The following CDKAL1 variants were observed in gnomAD, a reference collection of about 807,000 sequenced individuals.
CDKAL1 encodes threonylcarbamoyladenosine tRNA methylthiotransferase.
A neutral mutation model predicts 68.2 loss-of-function variants in CDKAL1; 32 were observed. The observed-to-expected ratio is 0.47, with a 90% CI of 0.35 to 0.63. CDKAL1 has a LOEUF of 0.63. Ranked by LOEUF, CDKAL1 falls within the 30% of genes least tolerant of loss-of-function variation. The pLI is 0.00. For missense variants in CDKAL1, 606 were observed against 696.7 expected (o/e 0.87, Z 1.47); for synonymous variants, 234 against 244.3 (o/e 0.96, Z 0.39).
intron 4 of CDKAL1, among the ~76,000 whole-genome samples, chr6:20,643,434 A>T (rs1199184195): frequency 6.6e-6 from 1 of 152,190 alleles, no homozygotes; most frequent in Non-Finnish European, 1.5e-5. Context: ...TGAAATTGGG[A>T]TGTATCTTAA....
At chr6:20,600,594 A>G (rs936539737) in intron 4 of CDKAL1, among the ~76,000 whole-genome samples, 1 of 151,892 alleles carries the variant, frequency 6.6e-6, no homozygotes, top group African/African-American at 2.4e-5. Context: ...AATAGTTTCT[A>G]TTAAAATGTT....
intron 11 of CDKAL1, among the ~76,000 whole-genome samples, chr6:21,060,850 G>C (rs1443142522): frequency 6.6e-6 from 1 of 151,850 alleles, no homozygotes; most frequent in Non-Finnish European, 1.5e-5. Flanking sequence ...CTATAATTTT[G>C]GTAGGTCTAG....
rs147794567 is a variant in CDKAL1 at position 21,047,139 on chromosome 6, G to A, written c.1056-17909G>A. 9.2e-5 allele frequency among the ~76,000 whole-genome samples: 14 copies of A among 151,520 alleles called. 1 individual carries two copies. The highest frequency in any genetic ancestry group is 2.9e-4 in the African/African-American group (12 of 41,290). On this transcript the variant is annotated intron_variant, in intron 11 of 15. Transcript: ENST00000274695. ...GGAGTCTCACCATGTTGCCCAGGTT[G>A]GCCTTGAACTCCTAGATCCTTCCGT...
intron 6 of CDKAL1, among the ~76,000 whole-genome samples, chr6:20,748,391 T>G (rs563489941): frequency 1.3e-4 from 19 of 151,642 alleles, no homozygotes; most frequent in African/African-American, 4.6e-4. Context: ...ACTCCTGTAG[T>G]TCCAGCTACT....
chr6:21,181,483 T>C (rs1777787771), intron 13 of CDKAL1, among the ~76,000 whole-genome samples: 1 of 152,204 alleles, frequency 6.6e-6, no homozygotes, highest in South Asian at 2.1e-4. Context: ...CCCTTCTACC[T>C]TCTGCCATTG....
At chr6:20,810,505 GA>G (rs1050293690) in intron 8 of CDKAL1, among the ~76,000 whole-genome samples, 3 of 151,032 alleles carry the variant, frequency 2.0e-5, no homozygotes, top group African/African-American at 7.3e-5. Context: ...GCTGAGGTGG[GA>G]GGATCGCTTG....
chr6:21,030,969 A>G (rs1468016393), intron 11 of CDKAL1, among the ~76,000 whole-genome samples: 1 of 152,098 alleles, frequency 6.6e-6, no homozygotes, highest in African/African-American at 2.4e-5. Flanking sequence ...CATGTAACAA[A>G]AGTGCCACCA....
intron 5 of CDKAL1, among the ~76,000 whole-genome samples, chr6:20,690,960 ATGG>A (rs1562028865): frequency 6.6e-6 from 1 of 152,206 alleles, no homozygotes; most frequent in African/African-American, 2.4e-5. Flanking sequence ...TTTTGCTTAT[ATGG>A]TGGTGAATAT....
intron 13 of CDKAL1, among the ~76,000 whole-genome samples, chr6:21,179,419 A>G (rs1029409527): frequency 1.3e-5 from 2 of 152,194 alleles, no homozygotes; most frequent in African/African-American, 4.8e-5. Flanking sequence ...GGACACCTAT[A>G]CAGGGGCAAG....
chr6:20,910,049 T>C (rs545717210), intron 9 of CDKAL1, among the ~76,000 whole-genome samples: 3 of 152,352 alleles, frequency 2.0e-5, no homozygotes, highest in Admixed American at 6.5e-5. Context: ...CAGCAGTTTA[T>C]GTTTTGATTT....
At chr6:20,630,448 A>G (rs927166040) in intron 4 of CDKAL1, among the ~76,000 whole-genome samples, 1 of 151,946 alleles carries the variant, frequency 6.6e-6, no homozygotes, top group Non-Finnish European at 1.5e-5. Flanking sequence ...GGTAAAAGGA[A>G]CTGCAGTCCC....
intron 10 of CDKAL1, among the ~76,000 whole-genome samples, chr6:20,990,893 AAC>A (rs1385218977): frequency 6.6e-6 from 1 of 152,236 alleles, no homozygotes; most frequent in Non-Finnish European, 1.5e-5. Context: ...ATGCCAAAAT[AAC>A]CATACTGATT....
rs71540608 is a variant in CDKAL1 at position 21,003,343 on chromosome 6, A to AATATATAT, written c.1055+2993_1055+3000dup. On this transcript the variant is annotated intron_variant, in intron 11 of 15. Transcript: ENST00000274695. Reference sequence around the variant, plus strand: ...CAACATGGTGAAACCATCTCTACTAAATATATATATATATATATATATATA... The same window carrying AATATATAT: ...CAACATGGTGAAACCATCTCTACTAAATATATATATATATATATATATATATATATATA... 1.9e-3 allele frequency among the ~76,000 whole-genome samples: 75 copies of AATATATAT among 40,430 alleles called. 2 individuals carry two copies. Among genetic ancestry groups the AATATATAT allele is most frequent in the South Asian group, 5.1e-3 (6 of 1,182 alleles). 26.5% of individuals were successfully genotyped at this position (40,430 alleles called of 152,430 possible). A position where few individuals can be genotyped will look rare whatever the true frequency, so the allele number is the denominator to read the frequency against.
intron 4 of CDKAL1, among the ~76,000 whole-genome samples, chr6:20,618,547 A>G (rs1040359300): frequency 1.3e-5 from 2 of 152,232 alleles, no homozygotes; most frequent in East Asian, 3.8e-4. Flanking sequence ...ATAAGGCTTA[A>G]TGCTAGAAAT....
At chr6:21,016,867 G>A (rs893318455) in intron 11 of CDKAL1, among the ~76,000 whole-genome samples, 2 of 152,068 alleles carry the variant, frequency 1.3e-5, no homozygotes, top group African/African-American at 2.4e-5. Flanking sequence ...ACATTCTCTT[G>A]AATTGTGTTG....
intron 9 of CDKAL1, among the ~76,000 whole-genome samples, chr6:20,940,865 C>T (rs143857854): frequency 0.012 from 1,812 of 152,256 alleles, 30 homozygotes; most frequent in African/African-American, 0.038. Flanking sequence ...CCAAGGCGGG[C>T]AGATCACGAG....
intron 5 of CDKAL1, among the ~76,000 whole-genome samples, chr6:20,716,690 G>A (rs1772112468): frequency 6.6e-6 from 1 of 151,798 alleles, no homozygotes; most frequent in South Asian, 2.1e-4. Flanking sequence ...GGTGGGATGG[G>A]TGTGGGAATG....
intron 4 of CDKAL1, among the ~76,000 whole-genome samples, chr6:20,624,448 G>T (rs1767337588): frequency 6.6e-6 from 1 of 151,704 alleles, no homozygotes; most frequent in South Asian, 2.1e-4. Flanking sequence ...CTGACTTGAG[G>T]GCAGGCCAGG....
At position 20,770,546 on chromosome 6, in the gene CDKAL1, T is replaced by A. The variant is rs141793306; in HGVS notation, c.518-10599T>A. Among the ~76,000 whole-genome samples, 378 of 152,300 alleles carry A rather than the reference T, an allele frequency of 2.5e-3. 2 individuals carry two copies. Among genetic ancestry groups the A allele is most frequent in the African/African-American group, 8.7e-3 (361 of 41,566 alleles). ...TTTAATATTCATAACTTTCAATCTT[T>A]AACAGACCATGCCCAACACTGTCAT... On this transcript the variant is annotated intron_variant, in intron 7 of 15. Transcript: ENST00000274695.
Sources: allele counts gnomAD v4.1 joint callset (sites outside exome capture counted in the v4.1 genomes callset), GRCh38; gene constraint gnomAD v4.1.1; transcripts MANE v1.5; gene names NCBI Gene and HGNC (gene_info 2026-07-23, HGNC 2026-07-21).